UNC13C: variants seen among roughly 807,000 people sequenced by gnomAD.
UNC13C encodes protein unc-13 homolog C.
In UNC13C, 174 loss-of-function variants were observed where a neutral mutation model predicts 245.4. That is an observed-to-expected ratio of 0.71 (90% confidence interval 0.63 to 0.80). The LOEUF is 0.80. UNC13C is among the 30% of genes least tolerant of loss of function. The pLI, the probability that UNC13C is intolerant of heterozygous loss-of-function variation, is 0.00. For synonymous variants in UNC13C, 992 were observed against 895.1 expected (o/e 1.11, Z -1.93); for missense variants, 2,829 against 2,602.9 (o/e 1.09, Z -1.89).
chr15:54,261,357 A>G (rs1332138411), intron 8 of UNC13C, among the ~76,000 whole-genome samples: 1 of 152,234 alleles, frequency 6.6e-6, no homozygotes, highest in African/African-American at 2.4e-5. Context: ...AAAGAGTTTC[A>G]TTAGAAACAT....
chr15:53,997,669 G>T (rs1894697727), intron 1 of UNC13C, among the ~76,000 whole-genome samples: 1 of 151,950 alleles, frequency 6.6e-6, no homozygotes, highest in Admixed American at 6.6e-5. Flanking sequence ...CTATACACAT[G>T]TGTCTATTTC....
chr15:54,103,374 C>T (rs1900265882), intron 2 of UNC13C, among the ~76,000 whole-genome samples: 1 of 152,174 alleles, frequency 6.6e-6, no homozygotes, highest in Non-Finnish European at 1.5e-5. Context: ...CATTCTTATA[C>T]CCAAAGCACT....
intron 19 of UNC13C, among the ~76,000 whole-genome samples, chr15:54,461,800 G>A (rs1405583947): frequency 6.6e-6 from 1 of 152,198 alleles, no homozygotes; most frequent in African/African-American, 2.4e-5. Flanking sequence ...ATTGGTAAAT[G>A]TGGTAGTGAT....
rs137922780 is a variant in UNC13C at position 54,065,912 on chromosome 15, T to C, written c.2983+50026T>C. On this transcript the variant is annotated intron_variant, in intron 2 of 32. Coordinates refer to ENST00000260323, the MANE Select transcript of UNC13C (RefSeq NM_001080534.3). Reference sequence around the variant, plus strand: ...ATTAAGGAATCACTGTACTGGCTAATGGAAAACAAAGCAAGCACAGTTTGA... The same window carrying C: ...ATTAAGGAATCACTGTACTGGCTAACGGAAAACAAAGCAAGCACAGTTTGA... Among the ~76,000 whole-genome samples the C allele has an allele frequency of 3.2e-3, 485 of 152,352 alleles. 4 individuals are homozygous for C. The highest frequency in any genetic ancestry group is 0.011 in the African/African-American group (477 of 41,580).
intron 8 of UNC13C, among the ~76,000 whole-genome samples, chr15:54,251,721 C>G (rs1334051401): frequency 6.6e-6 from 1 of 151,856 alleles, no homozygotes; most frequent in Non-Finnish European, 1.5e-5. Flanking sequence ...AATATTGTGC[C>G]CTCTGTTTGT....
intron 4 of UNC13C, among the ~76,000 whole-genome samples, chr15:54,156,631 C>G (rs1466803801): frequency 6.6e-6 from 1 of 152,054 alleles, no homozygotes; most frequent in Admixed American, 6.6e-5. Context: ...TTACATGTAA[C>G]AGGGTATCCT....
chr15:54,480,719 T>A (rs1893059378), intron 19 of UNC13C, among the ~76,000 whole-genome samples: 1 of 152,204 alleles, frequency 6.6e-6, no homozygotes, highest in Admixed American at 6.5e-5. Context: ...TTTCCTTTTC[T>A]ATGAAATTTG....
At chr15:54,036,571 A>G (rs944939407) in intron 2 of UNC13C, among the ~76,000 whole-genome samples, 5 of 152,176 alleles carry the variant, frequency 3.3e-5, no homozygotes, top group African/African-American at 1.2e-4. Flanking sequence ...TTTGATTTCC[A>G]CATACATGAA....
chr15:54,596,187 C>G (rs1899073897), intron 30 of UNC13C, among the ~76,000 whole-genome samples: 1 of 152,132 alleles, frequency 6.6e-6, no homozygotes, highest in Non-Finnish European at 1.5e-5. Context: ...CAGAGGTTAT[C>G]TTTATCAGAA....
At chr15:54,354,004 G>A (rs535919887) in intron 17 of UNC13C, among the ~76,000 whole-genome samples, 2 of 152,306 alleles carry the variant, frequency 1.3e-5, no homozygotes, top group Admixed American at 6.5e-5. Context: ...TGTCCTGCCT[G>A]CTTCATGTCA....
intron 13 of UNC13C, among the ~76,000 whole-genome samples, chr15:54,319,042 A>G (rs1182512356): frequency 6.6e-6 from 1 of 151,890 alleles, no homozygotes; most frequent in African/African-American, 2.4e-5. Flanking sequence ...AATCCTTTCT[A>G]AAACCAAGAA....
intron 29 of UNC13C, among the ~76,000 whole-genome samples, chr15:54,556,083 T>G (rs1897078180): frequency 6.6e-6 from 1 of 152,074 alleles, no homozygotes; most frequent in South Asian, 2.1e-4. Context: ...TATGTGCAGA[T>G]CTCAAAATGT....
At chr15:54,476,365 G>A (rs62024019) in intron 19 of UNC13C, among the ~76,000 whole-genome samples, 57,446 of 138,288 alleles carry the variant, frequency 0.42, 12,445 homozygotes, top group East Asian at 0.68. Context: ...TTGGTGTTTT[G>A]GACATGAAGT....
intron 10 of UNC13C, among the ~76,000 whole-genome samples, chr15:54,265,816 A>G (rs1406644488): frequency 6.6e-6 from 1 of 152,106 alleles, no homozygotes; most frequent in African/African-American, 2.4e-5. Context: ...CCAGAAATGT[A>G]ATCTTGATTT....
Position 54,298,587 on chromosome 15 carries a change from C to A in UNC13C, c.4104+661C>A, listed in dbSNP as rs545762810. ...GTGGTTACTCACCCAAAAAGTAGGG[C>A]CTAGTTGGCTTGGAGAGAGGTAAAC... On this transcript the variant is annotated intron_variant, in intron 12 of 32. Coordinates refer to ENST00000260323, the MANE Select transcript of UNC13C (RefSeq NM_001080534.3). 5.9e-5 allele frequency among the ~76,000 whole-genome samples: 9 copies of A among 152,224 alleles called. No individual in the cohort carries two copies. In the South Asian group the frequency reaches 1.7e-3, roughly 28 times the overall value.
chr15:54,051,165 A>T (rs940084217), intron 2 of UNC13C, among the ~76,000 whole-genome samples: 1 of 152,142 alleles, frequency 6.6e-6, no homozygotes, highest in Non-Finnish European at 1.5e-5. Context: ...TCTGTATTTT[A>T]GACATAGAAA....
At chr15:53,980,745 G>GTAAA (rs1376290829) in intron 1 of UNC13C, among the ~76,000 whole-genome samples, 2 of 152,128 alleles carry the variant, frequency 1.3e-5, no homozygotes, top group African/African-American at 4.8e-5. Context: ...TATGTGCTAG[G>GTAAA]TAAATTCATG....
intron 4 of UNC13C, among the ~76,000 whole-genome samples, chr15:54,190,960 T>C (rs1198784481): frequency 3.3e-5 from 5 of 152,180 alleles, no homozygotes; most frequent in African/African-American, 1.2e-4. Context: ...TGAGACATTA[T>C]GTATGCACTT....
intron 2 of UNC13C, among the ~76,000 whole-genome samples, chr15:54,072,537 T>G (rs1366410409): frequency 6.6e-6 from 1 of 152,204 alleles, no homozygotes; most frequent in Non-Finnish European, 1.5e-5. Flanking sequence ...TACTATGATA[T>G]GGGTCTTGAC....
Sources: gnomAD v4.1 joint callset for allele counts (sites outside exome capture counted in the v4.1 genomes callset) on GRCh38, gnomAD v4.1.1 for gene constraint, MANE v1.5 for transcripts, NCBI Gene and HGNC (gene_info 2026-07-23, HGNC 2026-07-21) for gene names.